The following PCSK2 variants were observed in gnomAD, a reference collection of about 807,000 sequenced individuals.
PCSK2 encodes proprotein convertase subtilisin/kexin type 2, also known as neuroendocrine convertase 2.
A neutral mutation model predicts 69.7 loss-of-function variants in PCSK2; 14 were observed. The ratio of observed to expected loss-of-function variants is 0.20; its 90% confidence interval spans 0.13 to 0.31. PCSK2 has a LOEUF of 0.31. Ranked by LOEUF, PCSK2 falls within the 10% of genes least tolerant of loss-of-function variation. The pLI is 1.00. For missense variants in PCSK2, 544 were observed against 842.5 expected, an observed-to-expected ratio of 0.65 and a Z score of 4.39; for synonymous variants, 307 against 320.7, an observed-to-expected ratio of 0.96 and a Z score of 0.46.
chr20:17,320,356 C>T (rs1989827371), intron 2 of PCSK2, among the ~76,000 whole-genome samples: 1 of 152,190 alleles, frequency 6.6e-6, no homozygotes, highest in African/African-American at 2.4e-5. Context: ...ACACATCCTC[C>T]TGGAATCAGT....
chr20:17,358,438 C>T lies in PCSK2; in HGVS notation c.394C>T (p.Leu132=), dbSNP rs763676765. The T allele has an allele frequency of 1.3e-6, 2 of 1,500,086 alleles. No individual in the cohort carries two copies. The highest frequency in any genetic ancestry group is 2.3e-5 in the South Asian group (2 of 88,758). The allele number at this position is 1,500,086 out of a possible 1,614,324, so 92.9% of individuals were successfully genotyped here. The change falls in exon 3 of 12, where the codon CTG becomes TTG. Residue 132 remains leucine, a splice_region_variant and synonymous_variant. Coordinates refer to ENST00000262545, the MANE Select transcript of PCSK2 (RefSeq NM_002594.5). ...NDPLFTKQWY[L]INTGQADGTP... is the part of the protein sequence containing the mutation. ...TCCTCTTTTTACAAAGCAGTGGTAT[C>T]TGGTGAGTGTCTTTATGTCCTTTTG...
chr20:17,446,881 G>T (rs891935259), intron 8 of PCSK2, among the ~76,000 whole-genome samples: 1 of 152,138 alleles, frequency 6.6e-6, no homozygotes, highest in Non-Finnish European at 1.5e-5. Context: ...GAAAAACTGA[G>T]TAAATATATA....
chr20:17,368,594 G>C (rs1380282967), intron 4 of PCSK2, among the ~76,000 whole-genome samples: 1 of 152,186 alleles, frequency 6.6e-6, no homozygotes, highest in Non-Finnish European at 1.5e-5. Flanking sequence ...CCAAGGGTCT[G>C]ATGGAACTCA....
intron 5 of PCSK2, among the ~76,000 whole-genome samples, chr20:17,389,853 T>C (rs2031329973): frequency 6.6e-6 from 1 of 152,186 alleles, no homozygotes; most frequent in African/African-American, 2.4e-5. Context: ...TGGAAAAAGT[T>C]TGGCAGTTTC....
At chr20:17,283,757 G>A (rs569397276) in intron 2 of PCSK2, among the ~76,000 whole-genome samples, 2 of 152,220 alleles carry the variant, frequency 1.3e-5, no homozygotes, top group African/African-American at 4.8e-5. Flanking sequence ...AAAAAGGCAG[G>A]GGACAATTCC....
At chr20:17,432,408 T>C (rs1174550645) in intron 7 of PCSK2, among the ~76,000 whole-genome samples, 1 of 152,246 alleles carries the variant, frequency 6.6e-6, no homozygotes, top group Non-Finnish European at 1.5e-5. Flanking sequence ...GTCTTCAAGC[T>C]TTAATAACCC....
At chr20:17,277,400 T>C (rs1056470693) in intron 2 of PCSK2, among the ~76,000 whole-genome samples, 2 of 152,046 alleles carry the variant, frequency 1.3e-5, no homozygotes, top group Non-Finnish European at 2.9e-5. Flanking sequence ...AACAGAGCCC[T>C]CAGAAATAAT....
chr20:17,404,278 T>A (rs974871169), intron 5 of PCSK2, among the ~76,000 whole-genome samples: 1 of 152,244 alleles, frequency 6.6e-6, no homozygotes, highest in African/African-American at 2.4e-5. Context: ...TAAAAATATC[T>A]GTTCAATCAC....
At chr20:17,373,065 T>G (rs1448315324) in intron 5 of PCSK2, among the ~76,000 whole-genome samples, 1 of 152,140 alleles carries the variant, frequency 6.6e-6, no homozygotes, top group Non-Finnish European at 1.5e-5. Context: ...GCCAGCCTGG[T>G]GCCCCTTGAG....
chr20:17,420,216 G>T (rs968800006), intron 6 of PCSK2, among the ~76,000 whole-genome samples: 2 of 152,196 alleles, frequency 1.3e-5, no homozygotes, highest in Non-Finnish European at 2.9e-5. Context: ...GGCCCTCTCT[G>T]GTTGGCTATT....
At chr20:17,236,297 A>G (rs148417991) in intron 1 of PCSK2, among the ~76,000 whole-genome samples, 2 of 152,276 alleles carry the variant, frequency 1.3e-5, no homozygotes, top group African/African-American at 4.8e-5. Flanking sequence ...AGGAGATATT[A>G]TTTCCTAATA....
At chr20:17,457,596 C>T (rs2032944221) in intron 10 of PCSK2, among the ~76,000 whole-genome samples, 1 of 152,200 alleles carries the variant, frequency 6.6e-6, no homozygotes, top group Admixed American at 6.5e-5. Flanking sequence ...CAAAGCTCAA[C>T]TATTAGGCAC....
chr20:17,291,874 A>G (rs889688593), intron 2 of PCSK2, among the ~76,000 whole-genome samples: 3 of 152,170 alleles, frequency 2.0e-5, no homozygotes, highest in Non-Finnish European at 4.4e-5. Context: ...CTGAACATAT[A>G]ACTTCCAATC....
At chr20:17,476,947 G>T (rs2033301321) in intron 11 of PCSK2, among the ~76,000 whole-genome samples, 1 of 152,142 alleles carries the variant, frequency 6.6e-6, no homozygotes, top group Non-Finnish European at 1.5e-5. Context: ...CACCATCACT[G>T]GATCCCCATA....
chr20:17,357,623 G>A (rs970934471), intron 2 of PCSK2, among the ~76,000 whole-genome samples: 1 of 152,120 alleles, frequency 6.6e-6, no homozygotes, highest in Non-Finnish European at 1.5e-5. Context: ...AGCCAGGTGC[G>A]GTGGCTCATG....
intron 6 of PCSK2, among the ~76,000 whole-genome samples, chr20:17,409,852 C>G (rs1048169910): frequency 5.3e-5 from 8 of 152,198 alleles, no homozygotes; most frequent in African/African-American, 1.9e-4. Flanking sequence ...ACTACCCAAA[C>G]AGTCCATCCA....
intron 5 of PCSK2, among the ~76,000 whole-genome samples, chr20:17,383,206 A>G (rs945806972): frequency 6.6e-6 from 1 of 151,784 alleles, no homozygotes; most frequent in Non-Finnish European, 1.5e-5. Flanking sequence ...TCACCTTTTA[A>G]TTTCTTCTGG....
intron 8 of PCSK2, among the ~76,000 whole-genome samples, chr20:17,443,787 A>G (rs918186558): frequency 1.3e-5 from 2 of 152,200 alleles, no homozygotes; most frequent in East Asian, 3.9e-4. Context: ...AGGCCCTTTC[A>G]AGTGTGATTG....
intron 4 of PCSK2, among the ~76,000 whole-genome samples, chr20:17,363,805 A>G (rs1176536370): frequency 6.6e-6 from 1 of 152,254 alleles, no homozygotes; most frequent in Non-Finnish European, 1.5e-5. Flanking sequence ...GACACTGCTT[A>G]GCATTTTGGA....
Sources: gnomAD v4.1 joint callset for allele counts (sites outside exome capture counted in the v4.1 genomes callset) on GRCh38, gnomAD v4.1.1 for gene constraint, MANE v1.5 for transcripts, NCBI Gene and HGNC (gene_info 2026-07-23, HGNC 2026-07-21) for gene names.